ERC2: variants seen among roughly 807,000 people sequenced by gnomAD.
The protein encoded by ERC2 is ERC protein 2.
ERC2 carries 42 observed loss-of-function variants against 114.8 expected under a neutral mutation model. That is an observed-to-expected ratio of 0.37 (90% confidence interval 0.29 to 0.47). The LOEUF is 0.47. Ranked by LOEUF, ERC2 falls within the 20% of genes least tolerant of loss-of-function variation. ERC2 has a pLI of 0.99. For synonymous variants in ERC2, 454 were observed against 425.5 expected (o/e 1.07, Z -0.82); for missense variants, 939 against 1,150.7 (o/e 0.82, Z 2.66).
chr3:55,540,993 C>T (rs1359055681), intron 17 of ERC2, among the ~76,000 whole-genome samples: 1 of 151,984 alleles, frequency 6.6e-6, no homozygotes, highest in Non-Finnish European at 1.5e-5. Context: ...TGTGCAGGAG[C>T]CAACAAGTAT....
chr3:55,894,313 C>A (rs1442066120), intron 13 of ERC2, among the ~76,000 whole-genome samples: 1 of 152,064 alleles, frequency 6.6e-6, no homozygotes, highest in Non-Finnish European at 1.5e-5. Context: ...GCAAAATTTG[C>A]TTTAAACATG....
intron 13 of ERC2, among the ~76,000 whole-genome samples, chr3:55,918,510 C>A (rs1205206352): frequency 6.6e-6 from 1 of 151,914 alleles, no homozygotes; most frequent in Non-Finnish European, 1.5e-5. Context: ...AAAACATAAC[C>A]ACGAGTTTTT....
At chr3:56,031,175 C>T (rs2074359138) in intron 7 of ERC2, among the ~76,000 whole-genome samples, 1 of 152,228 alleles carries the variant, frequency 6.6e-6, no homozygotes, top group South Asian at 2.1e-4. Context: ...CTAATGACCA[C>T]AGCCTCCAGC....
chr3:56,113,430 A>C (rs9855148), intron 6 of ERC2, among the ~76,000 whole-genome samples: 25,416 of 152,148 alleles, frequency 0.17, 2,276 homozygotes, highest in African/African-American at 0.21. Flanking sequence ...AGAATGTAGG[A>C]AAATACCTTC....
intron 12 of ERC2, among the ~76,000 whole-genome samples, chr3:55,960,749 T>C (rs2068300271): frequency 6.6e-6 from 1 of 152,306 alleles, no homozygotes; most frequent in South Asian, 2.1e-4. Flanking sequence ...GTCCACCCAA[T>C]CCACTCTCTG....
intron 7 of ERC2, among the ~76,000 whole-genome samples, chr3:56,079,135 T>C (rs911841488): frequency 2.0e-5 from 3 of 152,124 alleles, no homozygotes; most frequent in Admixed American, 6.5e-5. Flanking sequence ...TTAAGCTTTC[T>C]AGTAATTACA....
At chr3:56,033,737 C>A (rs1012265090) in intron 7 of ERC2, among the ~76,000 whole-genome samples, 5 of 152,122 alleles carry the variant, frequency 3.3e-5, no homozygotes, top group Non-Finnish European at 5.9e-5. Flanking sequence ...AAGAGAATTT[C>A]TCTCATTACA....
At chr3:55,618,907 G>A (rs938613125) in intron 17 of ERC2, among the ~76,000 whole-genome samples, 6 of 152,162 alleles carry the variant, frequency 3.9e-5, no homozygotes, top group Non-Finnish European at 5.9e-5. Flanking sequence ...ATCCTTTCTC[G>A]AGGAGGCAGG....
At chr3:55,662,119 G>A (rs558947420) in intron 17 of ERC2, among the ~76,000 whole-genome samples, 34 of 152,348 alleles carry the variant, frequency 2.2e-4, no homozygotes, top group African/African-American at 8.2e-4. Context: ...CGTGGGCTGG[G>A]AAACTCAAGA....
chr3:55,759,653 A>G (rs551809807), intron 14 of ERC2, among the ~76,000 whole-genome samples: 5 of 152,232 alleles, frequency 3.3e-5, no homozygotes, highest in Admixed American at 1.3e-4. Context: ...ATCATGGAGG[A>G]AAAAAGGGTT....
chr3:55,931,587 C>T (rs2066091762), intron 13 of ERC2, among the ~76,000 whole-genome samples: 1 of 152,072 alleles, frequency 6.6e-6, no homozygotes, highest in South Asian at 2.1e-4. Flanking sequence ...GAACACCACA[C>T]ACTGGGGCCT....
At position 55,548,748 on chromosome 3, in the gene ERC2, G is replaced by A. The variant is rs137932213; in HGVS notation, c.*40-37472C>T. ...AATAACGTGGGTGGCTTAGATGAGG[G>A]GTCCCAAATGTGCACTGTTCACATG... On this transcript the variant is annotated intron_variant, in intron 17 of 17. Coordinates refer to ENST00000288221, the MANE Select transcript of ERC2 (RefSeq NM_015576.3). Among the ~76,000 whole-genome samples the A allele has an allele frequency of 1.5e-4, 23 of 152,218 alleles. No homozygotes were observed. In the East Asian group the frequency reaches 2.1e-3, roughly 14 times the overall value.
Position 55,660,822 on chromosome 3 carries a change from C to G in ERC2, c.*39+22972G>C, listed in dbSNP as rs576403979. ...TGCCCAGGTAGCTAACCTCTGTGAGCCTCAATCAGGTCCCTCACCTATAAA... is the reference window on the plus strand; with the variant it reads ...TGCCCAGGTAGCTAACCTCTGTGAGGCTCAATCAGGTCCCTCACCTATAAA... On this transcript the variant is annotated intron_variant, in intron 17 of 17. Transcript: ENST00000288221. Among the ~76,000 whole-genome samples the G allele has an allele frequency of 7.9e-5, 12 of 152,314 alleles. 1 individual carries two copies. The South Asian group carries it at 2.5e-3, about 32-fold the overall frequency.
chr3:55,667,255 A>G (rs1010361630), intron 17 of ERC2, among the ~76,000 whole-genome samples: 2 of 152,224 alleles, frequency 1.3e-5, no homozygotes, highest in African/African-American at 4.8e-5. Context: ...AAGGGAAGAT[A>G]GTGCTCATCT....
chr3:55,733,355 G>C (rs2065379969), intron 15 of ERC2, among the ~76,000 whole-genome samples: 1 of 152,000 alleles, frequency 6.6e-6, no homozygotes, highest in South Asian at 2.1e-4. Context: ...CAGTGACTGG[G>C]ACCCTCCCTC....
At chr3:55,861,986 C>A (rs1220914281) in intron 14 of ERC2, among the ~76,000 whole-genome samples, 1 of 152,218 alleles carries the variant, frequency 6.6e-6, no homozygotes, top group African/African-American at 2.4e-5. Context: ...TCACTCTAAT[C>A]GAAGTAACCA....
intron 3 of ERC2, among the ~76,000 whole-genome samples, chr3:56,272,171 T>G (rs1485651442): frequency 1.3e-5 from 2 of 152,130 alleles, no homozygotes; most frequent in African/African-American, 4.8e-5. Context: ...ACCACCAAAA[T>G]AAAAATCCAT....
chr3:55,711,386 T>G (rs1171073706), intron 15 of ERC2, among the ~76,000 whole-genome samples: 2 of 152,186 alleles, frequency 1.3e-5, no homozygotes, highest in African/African-American at 4.8e-5. Flanking sequence ...CTGTTAAGGT[T>G]TTTCTGCCAA....
At chr3:56,356,425 G>T (rs58152327) in intron 2 of ERC2, among the ~76,000 whole-genome samples, 7,157 of 152,218 alleles carry the variant, frequency 0.047, 276 homozygotes, top group African/African-American at 0.097. Flanking sequence ...GTAGGTGGAC[G>T]GAGCCCCTGG....
Sources: gnomAD v4.1 joint callset for allele counts (sites outside exome capture counted in the v4.1 genomes callset) on GRCh38, gnomAD v4.1.1 for gene constraint, MANE v1.5 for transcripts, NCBI Gene and HGNC (gene_info 2026-07-23, HGNC 2026-07-21) for gene names.